SIPA1L1: variants seen among roughly 807,000 people sequenced by gnomAD.
The protein encoded by SIPA1L1 is signal induced proliferation associated 1 like 1.
Under a neutral mutation model 162.7 loss-of-function variants are expected in SIPA1L1, and 26 were observed. The observed-to-expected ratio is 0.16, with a 90% CI of 0.12 to 0.22. The LOEUF (loss-of-function observed/expected upper bound fraction) is 0.22. SIPA1L1 is among the 10% of genes least tolerant of loss of function. The pLI is 1.00. For synonymous variants in SIPA1L1, 829 were observed against 837.4 expected, an observed-to-expected ratio of 0.99 and a Z score of 0.17; for missense variants, 1,874 against 2,241.0, an observed-to-expected ratio of 0.84 and a Z score of 3.31.
chr14:71,554,698 A>G (rs2056192357), intron 4 of SIPA1L1, among the ~76,000 whole-genome samples: 1 of 152,186 alleles, frequency 6.6e-6, no homozygotes. Flanking sequence ...TGGGAATTTC[A>G]TTCTTGTTCC....
intron 7 of SIPA1L1, among the ~76,000 whole-genome samples, chr14:71,640,365 GA>G (rs940185106): frequency 3.3e-5 from 5 of 149,372 alleles, no homozygotes; most frequent in South Asian, 2.1e-4. Context: ...GATCTAGAAA[GA>G]AAAAAAAAAT....
chr14:71,593,392 A>G (rs1003619559), intron 5 of SIPA1L1, among the ~76,000 whole-genome samples: 3 of 151,722 alleles, frequency 2.0e-5, no homozygotes, highest in African/African-American at 7.3e-5. Context: ...TTGTATTTTT[A>G]GTAGAGATGG....
intron 2 of SIPA1L1, among the ~76,000 whole-genome samples, chr14:71,456,720 G>A (rs2046215080): frequency 6.6e-6 from 1 of 152,160 alleles, no homozygotes; most frequent in Admixed American, 6.5e-5. Flanking sequence ...ACATTTTTAA[G>A]TTTTTAATTT....
At chr14:71,705,763 A>G (rs1429595207) in intron 16 of SIPA1L1, among the ~76,000 whole-genome samples, 2 of 152,006 alleles carry the variant, frequency 1.3e-5, no homozygotes, top group Non-Finnish European at 2.9e-5. Context: ...GAGGTGTAGG[A>G]GACAGACAGC....
At chr14:71,661,642 G>GAC (rs1206377685) in intron 10 of SIPA1L1, among the ~76,000 whole-genome samples, 175 bp downstream of exon 10, 2 of 152,174 alleles carry the variant, frequency 1.3e-5, no homozygotes, top group Non-Finnish European at 2.9e-5. Flanking sequence ...TGGTGGCATT[G>GAC]ACATTACCCA....
intron 2 of SIPA1L1, among the ~76,000 whole-genome samples, chr14:71,508,123 G>A (rs1316062545): frequency 6.6e-6 from 1 of 152,158 alleles, no homozygotes; most frequent in East Asian, 1.9e-4. Context: ...TTGGGAATGT[G>A]GCCTCAAAGC....
At chr14:71,543,370 T>C (rs944642129) in intron 4 of SIPA1L1, among the ~76,000 whole-genome samples, 1 of 152,242 alleles carries the variant, frequency 6.6e-6, no homozygotes, top group Non-Finnish European at 1.5e-5. Context: ...GTCATTTTGT[T>C]GACATGGAAT....
chr14:71,489,315 T>C (rs2049037826), intron 2 of SIPA1L1, among the ~76,000 whole-genome samples: 1 of 152,344 alleles, frequency 6.6e-6, no homozygotes, highest in African/African-American at 2.4e-5. Flanking sequence ...TCAGTGTGCT[T>C]GTAACTTGGG....
chr14:71,347,725 CTT>C (rs2036308848), intron 2 of SIPA1L1, among the ~76,000 whole-genome samples: 2 of 152,118 alleles, frequency 1.3e-5, no homozygotes, highest in South Asian at 4.1e-4. Context: ...GTGTGAATGA[CTT>C]TTATTTCCTT....
At chr14:71,633,029 T>A (rs1047136256) in intron 7 of SIPA1L1, among the ~76,000 whole-genome samples, 1 of 152,182 alleles carries the variant, frequency 6.6e-6, no homozygotes, top group Admixed American at 6.5e-5. Flanking sequence ...AACACTAAGA[T>A]GACACAGTTG....
intron 2 of SIPA1L1, among the ~76,000 whole-genome samples, chr14:71,381,751 A>G (rs2039923458): frequency 6.6e-6 from 1 of 152,122 alleles, no homozygotes; most frequent in Non-Finnish European, 1.5e-5. Flanking sequence ...GATTTTCTGT[A>G]TTTCTGATAG....
intron 13 of SIPA1L1, among the ~76,000 whole-genome samples, chr14:71,691,195 A>G (rs777601174): frequency 6.6e-6 from 1 of 152,226 alleles, no homozygotes; most frequent in Non-Finnish European, 1.5e-5. Context: ...CACTGGAAGG[A>G]TGACCTAATA....
At chr14:71,597,848 C>G (rs1382499402) in intron 5 of SIPA1L1, among the ~76,000 whole-genome samples, 1 of 152,186 alleles carries the variant, frequency 6.6e-6, no homozygotes, top group Non-Finnish European at 1.5e-5. Flanking sequence ...CTGACCCACC[C>G]TAGCACCTCT....
chr14:71,443,444 T>C (rs931678335), intron 2 of SIPA1L1, among the ~76,000 whole-genome samples: 1 of 152,224 alleles, frequency 6.6e-6, no homozygotes, highest in Non-Finnish European at 1.5e-5. Flanking sequence ...TTATAGTTCC[T>C]TGTAATCCTT....
At chr14:71,505,347 C>T (rs917762083) in intron 2 of SIPA1L1, among the ~76,000 whole-genome samples, 1 of 151,564 alleles carries the variant, frequency 6.6e-6, no homozygotes, top group African/African-American at 2.4e-5. Context: ...AGCTGGTGAC[C>T]TCTTTTTATT....
Position 71,584,736 on chromosome 14 carries a change from T to G in SIPA1L1, c.-302-2835T>G, listed in dbSNP as rs567919997. Reference sequence around the variant, plus strand: ...GGAATTAGTATTCTAGCTACCTGGATCTACCATAGACTTAGATAGTATCTA... The same window carrying G: ...GGAATTAGTATTCTAGCTACCTGGAGCTACCATAGACTTAGATAGTATCTA... On this transcript the variant is annotated intron_variant, in intron 4 of 23. Transcript: ENST00000381232. Among the ~76,000 whole-genome samples the G allele has an allele frequency of 2.0e-5, 3 of 152,358 alleles. No homozygotes were observed. The South Asian group carries it at 6.2e-4, about 32-fold the overall frequency.
intron 4 of SIPA1L1, among the ~76,000 whole-genome samples, chr14:71,577,504 GTAGC>G (rs927123482): frequency 8.6e-5 from 13 of 151,754 alleles, no homozygotes; most frequent in African/African-American, 1.2e-4. Flanking sequence ...AACCTCCCAA[GTAGC>G]TGGGATTACA....
At chr14:71,473,778 C>G (rs2047647430) in intron 2 of SIPA1L1, among the ~76,000 whole-genome samples, 1 of 152,128 alleles carries the variant, frequency 6.6e-6, no homozygotes, top group African/African-American at 2.4e-5. Flanking sequence ...AACTTGAGAA[C>G]AGAAATGTTC....
chr14:71,603,532 T>TTA (rs1325863265), intron 5 of SIPA1L1, among the ~76,000 whole-genome samples: 24 of 152,178 alleles, frequency 1.6e-4, no homozygotes, highest in Non-Finnish European at 3.5e-4. Flanking sequence ...GATCATGGCC[T>TTA]ACTGCAGCCT....
Sources: allele counts gnomAD v4.1 joint callset (sites outside exome capture counted in the v4.1 genomes callset), GRCh38; gene constraint gnomAD v4.1.1; transcripts MANE v1.5; gene names NCBI Gene and HGNC (gene_info 2026-07-23, HGNC 2026-07-21).